ADK: variants seen among roughly 807,000 people sequenced by gnomAD.
ADK encodes the protein adenosine kinase.
In ADK, 24 loss-of-function variants were observed where a neutral mutation model predicts 44.7. That is an observed-to-expected ratio of 0.54 (90% CI 0.39 to 0.76). The LOEUF is 0.76. Ranked by LOEUF, ADK falls within the 30% of genes least tolerant of loss-of-function variation. ADK has a pLI of 0.00. For missense variants in ADK, 321 were observed against 425.1 expected (o/e 0.76, Z 2.15); for synonymous variants, 128 against 142.6 (o/e 0.90, Z 0.73).
intron 4 of ADK, among the ~76,000 whole-genome samples, chr10:74,354,307 G>A (rs533616696): frequency 3.1e-4 from 26 of 84,518 alleles, no homozygotes; most frequent in Non-Finnish European, 5.7e-4. Flanking sequence ...TGACTCTCAC[G>A]GAAGTATTCC....
intron 4 of ADK, among the ~76,000 whole-genome samples, chr10:74,366,546 G>A (rs114061410): frequency 0.013 from 1,935 of 152,032 alleles, 46 homozygotes; most frequent in African/African-American, 0.044. Flanking sequence ...TAAAATTTTC[G>A]TTGAGACTAA....
At chr10:74,353,053 C>G (rs1159140213) in intron 4 of ADK, among the ~76,000 whole-genome samples, 1 of 152,192 alleles carries the variant, frequency 6.6e-6, no homozygotes, top group Non-Finnish European at 1.5e-5. Flanking sequence ...ACCGAGCAAT[C>G]CCATTACTGG....
At chr10:74,556,159 C>A (rs190179397) in intron 7 of ADK, among the ~76,000 whole-genome samples, 43 of 152,276 alleles carry the variant, frequency 2.8e-4, no homozygotes, top group Non-Finnish European at 5.7e-4. Context: ...TCCGGGGCAG[C>A]AATTACTTAT....
chr10:74,655,380 A>G lies in ADK; in HGVS notation c.878-14803A>G, dbSNP rs114422342. 365 of 412,562 alleles carry G rather than the reference A, an allele frequency of 8.8e-4. 2 individuals are homozygous for G. The highest frequency in any genetic ancestry group is 7.0e-3 in the African/African-American group (335 of 47,860). 25.6% of individuals were successfully genotyped at this position (412,562 alleles called of 1,614,324 possible). A position where few individuals can be genotyped will look rare whatever the true frequency, so the allele number is the denominator to read the frequency against. On this transcript the variant is annotated intron_variant, in intron 9 of 10. Transcript: ENST00000539909. ...TCTCATATCGTCCACATCAAAAAAG[A>G]GAAGAAAGAGTTGGACGAAGACACG...
intron 1 of ADK, among the ~76,000 whole-genome samples, chr10:74,155,245 G>T (rs1245509834): frequency 6.6e-6 from 1 of 152,056 alleles, no homozygotes; most frequent in African/African-American, 2.4e-5. Flanking sequence ...CACTTTGGGA[G>T]GCCAAGGTGG....
intron 6 of ADK, among the ~76,000 whole-genome samples, chr10:74,424,963 G>A (rs1456531446): frequency 6.6e-6 from 1 of 151,908 alleles, no homozygotes; most frequent in Non-Finnish European, 1.5e-5. Flanking sequence ...TTTGTGCCTA[G>A]CCTAATATTT....
chr10:74,681,943 A>G (rs1227841192), intron 10 of ADK, among the ~76,000 whole-genome samples: 2 of 151,898 alleles, frequency 1.3e-5, no homozygotes, highest in East Asian at 3.9e-4. Flanking sequence ...CCAAATGCAC[A>G]GAAGGAGGGG....
At chr10:74,675,183 C>T (rs1249350797) in intron 10 of ADK, among the ~76,000 whole-genome samples, 1 of 152,040 alleles carries the variant, frequency 6.6e-6, no homozygotes, top group African/African-American at 2.4e-5. Context: ...ATTTTCTTTG[C>T]ATAAATTTCA....
At chr10:74,261,616 G>T (rs2132374804) in intron 3 of ADK, among the ~76,000 whole-genome samples, 1 of 152,272 alleles carries the variant, frequency 6.6e-6, no homozygotes, top group African/African-American at 2.4e-5. Flanking sequence ...CTTTACATAG[G>T]TTGGTATTTC....
At chr10:74,328,568 G>A (rs1444101911) in intron 4 of ADK, among the ~76,000 whole-genome samples, 1 of 152,108 alleles carries the variant, frequency 6.6e-6, no homozygotes, top group African/African-American at 2.4e-5. Context: ...TCTGGTGGGA[G>A]GTGATTGGAT....
At chr10:74,312,914 C>CAAAAAAAAA (rs56052959) in intron 3 of ADK, among the ~76,000 whole-genome samples, 990 of 37,768 alleles carry the variant, frequency 0.026, 218 homozygotes, top group Middle Eastern at 0.1. Context: ...ATTCTGTCTC[C>CAAAAAAAAA]AAAAAAAAAA....
intron 7 of ADK, among the ~76,000 whole-genome samples, chr10:74,545,650 C>A (rs1400749878): frequency 6.6e-6 from 1 of 152,114 alleles, no homozygotes; most frequent in Non-Finnish European, 1.5e-5. Flanking sequence ...TATGACTTCT[C>A]ATAGGGTTTG....
intron 4 of ADK, among the ~76,000 whole-genome samples, chr10:74,342,155 G>C (rs1460813784): frequency 2.0e-5 from 3 of 152,064 alleles, no homozygotes; most frequent in Non-Finnish European, 4.4e-5. Flanking sequence ...GAATTTTAGA[G>C]TCAGTTTGTC....
At chr10:74,321,621 A>G (rs929089576) in intron 4 of ADK, among the ~76,000 whole-genome samples, 9 of 152,172 alleles carry the variant, frequency 5.9e-5, no homozygotes, top group Admixed American at 1.3e-4. Flanking sequence ...CTTACATTCA[A>G]TCTTCCAGTT....
chr10:74,360,323 G>A (rs982072992), intron 4 of ADK, among the ~76,000 whole-genome samples: 2 of 152,064 alleles, frequency 1.3e-5, no homozygotes, highest in Non-Finnish European at 2.9e-5. Flanking sequence ...GATTTGTCCT[G>A]GAGAATGTTC....
At chr10:74,234,821 G>A (rs1844900011) in intron 3 of ADK, among the ~76,000 whole-genome samples, 6 of 152,036 alleles carry the variant, frequency 3.9e-5, no homozygotes, top group Admixed American at 3.9e-4. Context: ...TTAGAAAAGT[G>A]ATCTAAACAT....
At chr10:74,607,245 T>A (rs982757464) in intron 9 of ADK, among the ~76,000 whole-genome samples, 31 of 152,182 alleles carry the variant, frequency 2.0e-4, no homozygotes, top group African/African-American at 7.5e-4. Flanking sequence ...AAGGTTAATA[T>A]ATTATGCATG....
chr10:74,527,385 AC>A (rs1849094786), intron 7 of ADK, among the ~76,000 whole-genome samples: 1 of 149,084 alleles, frequency 6.7e-6, no homozygotes, highest in Non-Finnish European at 1.5e-5. Flanking sequence ...AAAAAAAAAA[AC>A]ATAAATATGA....
chr10:74,499,049 A>AT (rs1847794900), intron 6 of ADK, among the ~76,000 whole-genome samples: 1 of 151,996 alleles, frequency 6.6e-6, no homozygotes, highest in Non-Finnish European at 1.5e-5. Flanking sequence ...ACATGTATTG[A>AT]TTTGTTGCTT....
Sources: gnomAD v4.1 joint callset for allele counts (sites outside exome capture counted in the v4.1 genomes callset) on GRCh38, gnomAD v4.1.1 for gene constraint, MANE v1.5 for transcripts, NCBI Gene and HGNC (gene_info 2026-07-23, HGNC 2026-07-21) for gene names.